The following CELF4 variants were observed in gnomAD, a reference collection of about 807,000 sequenced individuals.
CELF4 encodes CUG-BP- and ETR-3-like factor 4.
Under a neutral mutation model 59.9 loss-of-function variants are expected in CELF4, and 18 were observed. That is an observed-to-expected ratio of 0.30 (90% CI 0.21 to 0.45). The LOEUF (loss-of-function observed/expected upper bound fraction) is 0.45, where lower values mean the gene tolerates loss of function less well. Among genes scored for constraint, CELF4 ranks in the 20% least tolerant of loss-of-function variants. The pLI is 1.00. For missense variants in CELF4, 456 were observed against 689.0 expected, an observed-to-expected ratio of 0.66 and a Z score of 3.79; for synonymous variants, 261 against 267.1, an observed-to-expected ratio of 0.98 and a Z score of 0.22.
intron 2 of CELF4, among the ~76,000 whole-genome samples, chr18:37,443,656 C>A (rs543993463): frequency 6.6e-6 from 1 of 152,078 alleles, no homozygotes; most frequent in East Asian, 1.9e-4. Context: ...GCTTCCCTGC[C>A]CACATCTTCA....
chr18:37,383,274 A>G (rs774787753), intron 2 of CELF4, among the ~76,000 whole-genome samples: 53 of 152,252 alleles, frequency 3.5e-4, no homozygotes, highest in Admixed American at 1.2e-3. Context: ...GTGAAGCAGG[A>G]GGCTCAGGAA....
At chr18:37,458,142 G>A (rs2099783766) in intron 2 of CELF4, among the ~76,000 whole-genome samples, 1 of 152,180 alleles carries the variant, frequency 6.6e-6, no homozygotes, top group Non-Finnish European at 1.5e-5. Flanking sequence ...TTCCCGGGAC[G>A]GCTAAGGTCA....
At chr18:37,446,801 C>T (rs1400952627) in intron 2 of CELF4, among the ~76,000 whole-genome samples, 1 of 152,134 alleles carries the variant, frequency 6.6e-6, no homozygotes, top group Non-Finnish European at 1.5e-5. Flanking sequence ...GAGCCACTCA[C>T]GAGAAGACCA....
At chr18:37,383,885 A>G (rs2099069548) in intron 2 of CELF4, among the ~76,000 whole-genome samples, 1 of 152,088 alleles carries the variant, frequency 6.6e-6, no homozygotes, top group Admixed American at 6.5e-5. Context: ...ACCCTCAGCG[A>G]TTGGAAAAGC....
chr18:37,370,824 C>T (rs1450008170), intron 2 of CELF4, among the ~76,000 whole-genome samples: 1 of 152,176 alleles, frequency 6.6e-6, no homozygotes, highest in Non-Finnish European at 1.5e-5. Flanking sequence ...TAACCACTCT[C>T]CTCTGAACTT....
At chr18:37,516,226 T>C (rs1297528931) in intron 1 of CELF4, among the ~76,000 whole-genome samples, 1 of 152,138 alleles carries the variant, frequency 6.6e-6, no homozygotes, top group African/African-American at 2.4e-5. Context: ...TCCTCCCTGC[T>C]CCCTTCTTGG....
intron 2 of CELF4, among the ~76,000 whole-genome samples, chr18:37,410,746 C>A (rs1057508450): frequency 6.6e-6 from 1 of 152,126 alleles, no homozygotes; most frequent in Non-Finnish European, 1.5e-5. Flanking sequence ...CCTGCACACC[C>A]CCGTCACCGC....
At chr18:37,371,555 C>A in intron 2 of CELF4, among the ~76,000 whole-genome samples, 1 of 152,242 alleles carries the variant, frequency 6.6e-6, no homozygotes, top group East Asian at 1.9e-4. Flanking sequence ...AAGAGTGGGG[C>A]TTCTCATGAT....
chr18:37,383,149 C>A (rs896097785), intron 2 of CELF4, among the ~76,000 whole-genome samples: 9 of 152,114 alleles, frequency 5.9e-5, no homozygotes, highest in Admixed American at 5.9e-4. Context: ...TTGCAAAGTG[C>A]TGGAATTACT....
At chr18:37,462,041 A>G (rs991553161) in intron 2 of CELF4, among the ~76,000 whole-genome samples, 6 of 152,220 alleles carry the variant, frequency 3.9e-5, no homozygotes, top group Non-Finnish European at 8.8e-5. Flanking sequence ...CAGAGACAGT[A>G]ATTGATACTT....
chr18:37,446,102 G>A (rs1376213393), intron 2 of CELF4, among the ~76,000 whole-genome samples: 1 of 152,214 alleles, frequency 6.6e-6, no homozygotes, highest in Non-Finnish European at 1.5e-5. Context: ...CTCCAGAGAA[G>A]GTCACAGACA....
chr18:37,431,500 TG>T (rs1300113302), intron 2 of CELF4, among the ~76,000 whole-genome samples: 1 of 151,460 alleles, frequency 6.6e-6, no homozygotes, highest in African/African-American at 2.4e-5. Flanking sequence ...CCTGAGTAGC[TG>T]GGACTACAGG....
At chr18:37,302,858 T>C (rs1374342635) in intron 3 of CELF4, among the ~76,000 whole-genome samples, 1 of 152,146 alleles carries the variant, frequency 6.6e-6, no homozygotes, top group Non-Finnish European at 1.5e-5. Context: ...TGCTTCCTAG[T>C]CCACTTTTTC....
At chr18:37,362,494 G>A (rs1291151734) in intron 2 of CELF4, among the ~76,000 whole-genome samples, 1 of 152,110 alleles carries the variant, frequency 6.6e-6, no homozygotes, top group Non-Finnish European at 1.5e-5. Context: ...GGACAGGGTT[G>A]GGGGGCTGGG....
intron 10 of CELF4, among the ~76,000 whole-genome samples, chr18:37,262,264 T>C (rs906614151): frequency 2.7e-4 from 41 of 152,260 alleles, no homozygotes; most frequent in Non-Finnish European, 1.3e-4. Flanking sequence ...CCTGCATCCC[T>C]GGGGTGGCTC....
At chr18:37,543,114 T>G (rs561006825) in intron 1 of CELF4, among the ~76,000 whole-genome samples, 69 of 152,066 alleles carry the variant, frequency 4.5e-4, no homozygotes, top group African/African-American at 1.5e-3. Flanking sequence ...CTCCAAGAGC[T>G]CCCCAAGGGT....
rs556603130 is a variant in CELF4, at chr18:37,495,061, G to A, written c.287-9454C>T. On this transcript the variant is annotated intron_variant, in intron 1 of 12. Coordinates refer to ENST00000420428, the MANE Select transcript of CELF4 (RefSeq NM_020180.4). ...CAAGGGTGGATTTCAAATGCATTTGGGGCATTTGCTATTCACATGAGTGCC... is the reference window on the plus strand; with the variant it reads ...CAAGGGTGGATTTCAAATGCATTTGAGGCATTTGCTATTCACATGAGTGCC... 2.0e-5 allele frequency among the ~76,000 whole-genome samples: 3 copies of A among 152,286 alleles called. No individual in the cohort carries two copies. The South Asian group carries it at 6.2e-4, about 32-fold the overall frequency.
intron 2 of CELF4, among the ~76,000 whole-genome samples, chr18:37,329,777 A>T (rs1434984619): frequency 3.9e-5 from 6 of 152,362 alleles, no homozygotes; most frequent in Non-Finnish European, 8.8e-5. Context: ...AGTGTTAAGA[A>T]TTTCAAGATG....
chr18:37,534,089 T>A (rs1041034110), intron 1 of CELF4, among the ~76,000 whole-genome samples: 1 of 152,222 alleles, frequency 6.6e-6, no homozygotes, highest in East Asian at 1.9e-4. Flanking sequence ...GACAGGCTCC[T>A]GGGTATTGGC....
Sources: allele counts gnomAD v4.1 joint callset (sites outside exome capture counted in the v4.1 genomes callset), GRCh38; gene constraint gnomAD v4.1.1; transcripts MANE v1.5; gene names NCBI Gene and HGNC (gene_info 2026-07-23, HGNC 2026-07-21).